RANBP2: variants seen among roughly 807,000 people sequenced by gnomAD.
RANBP2 encodes E3 SUMO-protein ligase RanBP2.
In RANBP2, 57 loss-of-function variants were observed where a neutral mutation model predicts 303.6. That is an observed-to-expected ratio of 0.19 (90% CI 0.15 to 0.23). RANBP2 has a LOEUF of 0.23. RANBP2 is among the 10% of genes least tolerant of loss of function. The pLI is 1.00. For missense variants in RANBP2, 3,138 were observed against 3,780.8 expected, an observed-to-expected ratio of 0.83 and a Z score of 4.46; for synonymous variants, 1,167 against 1,301.5, an observed-to-expected ratio of 0.90 and a Z score of 2.23.
At chr2:109,278,010 CAAAAA>C in the RANBP2 span, among the ~76,000 whole-genome samples, 20 of 81,326 alleles carry the variant, frequency 2.5e-4, no homozygotes, top group Middle Eastern at 9.3e-3. Flanking sequence ...CTGTCTCTAA[CAAAAA>C]AAAAAAAAAA....
chr2:109,725,224 T>A, the RANBP2 span, among the ~76,000 whole-genome samples: 1 of 152,138 alleles, frequency 6.6e-6, no homozygotes, highest in Non-Finnish European at 1.5e-5. Context: ...TGGTTGTTCC[T>A]CACTTGCAGG....
the RANBP2 span, among the ~76,000 whole-genome samples, chr2:109,059,970 T>C: frequency 6.6e-6 from 1 of 152,134 alleles, no homozygotes. Context: ...CCCCTTGAGC[T>C]CCCAGATTCT....
At chr2:109,696,620 C>T in the RANBP2 span, among the ~76,000 whole-genome samples, 1 of 151,992 alleles carries the variant, frequency 6.6e-6, no homozygotes, top group Non-Finnish European at 1.5e-5. Flanking sequence ...CTTGGTTTGG[C>T]TATTTTAGGT....
chr2:109,618,797 T>A, the RANBP2 span: 11 of 167,128 alleles, frequency 6.6e-5, no homozygotes, highest in South Asian at 1.9e-3. Flanking sequence ...CTAGTGAGTG[T>A]TTGTCACATT....
chr2:109,116,845 T>A, the RANBP2 span, among the ~76,000 whole-genome samples: 1 of 150,296 alleles, frequency 6.7e-6, no homozygotes, highest in Non-Finnish European at 1.5e-5. Flanking sequence ...GTTTTCCTTT[T>A]AACAGACAGG....
At chr2:109,590,267 G>A in the RANBP2 span, among the ~76,000 whole-genome samples, 2 of 151,814 alleles carry the variant, frequency 1.3e-5, no homozygotes, top group South Asian at 4.2e-4. Flanking sequence ...CGCTAACACC[G>A]ATGCCCCTGG....
the RANBP2 span, among the ~76,000 whole-genome samples, chr2:109,718,053 C>A: frequency 2.6e-5 from 4 of 151,948 alleles, no homozygotes; most frequent in South Asian, 2.1e-4. Flanking sequence ...TTAAAAAGAT[C>A]AAAAAAAGTG....
At chr2:109,686,498 A>G in the RANBP2 span, among the ~76,000 whole-genome samples, 1 of 152,120 alleles carries the variant, frequency 6.6e-6, no homozygotes, top group African/African-American at 2.4e-5. Flanking sequence ...TATTTTTAGT[A>G]TAGACGGGGT....
At chr2:109,509,255 GC>G in the RANBP2 span, among the ~76,000 whole-genome samples, 1 of 152,224 alleles carries the variant, frequency 6.6e-6, no homozygotes, top group Non-Finnish European at 1.5e-5. Flanking sequence ...GGGCCCAGCC[GC>G]CTGTCAGATT....
chr2:108,789,056 T>C (rs1003320958), downstream of RANBP2: 6 of 1,368,360 alleles, frequency 4.4e-6, no homozygotes, highest in African/African-American at 4.3e-5. Context: ...TTTTGCTCTT[T>C]CCTGAGGACA....
At chr2:108,750,169 T>C (rs1419008750) in intron 9 of RANBP2, among the ~76,000 whole-genome samples, 1 of 152,234 alleles carries the variant, frequency 6.6e-6, no homozygotes, top group Non-Finnish European at 1.5e-5. Context: ...GTTGGAATTA[T>C]AGGCATGAGC....
the RANBP2 span, among the ~76,000 whole-genome samples, chr2:109,517,500 C>T: frequency 1.3e-5 from 2 of 151,624 alleles, no homozygotes; most frequent in Admixed American, 6.5e-5. Context: ...CTGTGAACCC[C>T]GCCTGGCTGC....
Position 108,764,789 on chromosome 2 carries a change from G to T in RANBP2, c.4250G>T (p.Gly1417Val). 6.2e-7 allele frequency: 1 copy of T among 1,613,998 alleles called. No homozygotes were observed. The highest frequency in any genetic ancestry group is 8.5e-7 in the Non-Finnish European group (1 of 1,179,952). The change falls in exon 20 of 29, where the codon GGT becomes GTT. Residue 1417 changes from glycine to valine, a missense_variant. Around this residue, in one of 20 missense-constraint regions of RANBP2, gnomAD observed 388 missense variants for 328.5 expected, o/e 1.18. Transcript: ENST00000283195. ...RFALVTPKKE[G>V]HWDCSICLVR... ...GCATTGGTGACTCCAAAGAAAGAAGGTCACTGGGATTGTAGTATTTGTTTA... is the reference window on the plus strand; with the variant it reads ...GCATTGGTGACTCCAAAGAAAGAAGTTCACTGGGATTGTAGTATTTGTTTA...
At chr2:109,198,051 A>G in the RANBP2 span, among the ~76,000 whole-genome samples, 10 of 152,198 alleles carry the variant, frequency 6.6e-5, no homozygotes, top group Non-Finnish European at 1.0e-4. Flanking sequence ...GGCTAAGCCC[A>G]GTCCCCATGC....
the RANBP2 span, among the ~76,000 whole-genome samples, chr2:108,909,315 G>A: frequency 6.6e-6 from 1 of 152,176 alleles, no homozygotes; most frequent in East Asian, 1.9e-4. Flanking sequence ...CAGTCTCTAG[G>A]GAGGCCCTAT....
At chr2:109,513,514 C>CCACATGTACACACAG in the RANBP2 span, among the ~76,000 whole-genome samples, 1 of 151,928 alleles carries the variant, frequency 6.6e-6, no homozygotes, top group Admixed American at 6.6e-5. Context: ...TGTACACACA[C>CCACATGTACACACAG]CATACCCACA....
intron 15 of RANBP2, among the ~76,000 whole-genome samples, chr2:108,754,436 T>C (rs540260178): frequency 6.6e-6 from 1 of 151,264 alleles, no homozygotes; most frequent in East Asian, 1.9e-4. Context: ...TTCAGTCTTC[T>C]GAGTGTTTTG....
At chr2:109,683,790 G>T in the RANBP2 span, among the ~76,000 whole-genome samples, 1 of 152,094 alleles carries the variant, frequency 6.6e-6, no homozygotes, top group Non-Finnish European at 1.5e-5. Flanking sequence ...TTGCTTGGGG[G>T]TCCCTTTTTG....
the RANBP2 span, among the ~76,000 whole-genome samples, chr2:108,905,040 A>G: frequency 1.2e-4 from 18 of 152,216 alleles, no homozygotes; most frequent in African/African-American, 4.3e-4. Context: ...AAAAAGTTTA[A>G]TTAAAGACAA....
Sources: allele counts gnomAD v4.1 joint callset (sites outside exome capture counted in the v4.1 genomes callset), GRCh38; gene constraint gnomAD v4.1.1; regional missense constraint gnomAD v4.1.1; transcripts MANE v1.5; gene names NCBI Gene and HGNC (gene_info 2026-07-23, HGNC 2026-07-21).